The following CNBD1 variants were observed in gnomAD, a reference collection of about 807,000 sequenced individuals.
CNBD1 encodes the protein cyclic nucleotide-binding domain-containing protein 1.
Under a neutral mutation model 54.4 loss-of-function variants are expected in CNBD1, and 71 were observed. The ratio of observed to expected loss-of-function variants is 1.30; its 90% CI spans 1.08 to 1.59. The LOEUF is 1.59. Among genes scored for constraint, CNBD1 ranks in the 40% most tolerant of loss-of-function variants. CNBD1 has a pLI of 0.00. For missense variants in CNBD1, 659 were observed against 518.0 expected (o/e 1.27, Z -2.64); for synonymous variants, 182 against 170.7 (o/e 1.07, Z -0.51).
At position 87,166,712 on chromosome 8, in the gene CNBD1, C is replaced by A. The variant is rs1283928338; in HGVS notation, c.432-39281C>A. On this transcript the variant is annotated intron_variant, in intron 4 of 10. Coordinates refer to ENST00000518476, the MANE Select transcript of CNBD1 (RefSeq NM_173538.3). The surrounding 1 kb of genome is among the most constrained non-coding windows in gnomAD (Gnocchi z 4.3). ...CATGTTTGTTTCTATTTGGACAGTT[C>A]TTTCCTAACTAGGCTTGTTACAAAA... Among the ~76,000 whole-genome samples the A allele has an allele frequency of 6.6e-6, 1 of 151,792 alleles. No individual in the cohort carries two copies. Among genetic ancestry groups the A allele is most frequent in the African/African-American group, 2.4e-5 (1 of 41,374 alleles).
intron 4 of CNBD1, among the ~76,000 whole-genome samples, chr8:87,027,821 A>G (rs1737220729): frequency 6.6e-6 from 1 of 152,230 alleles, no homozygotes; most frequent in Admixed American, 6.5e-5. Context: ...CTAATTTCCC[A>G]TTACTGTATC....
In CNBD1 at chr8:87,224,719, G is replaced by A. The variant is rs996099502; in HGVS notation, c.578-12200G>A. ...TCTTTTGGCTCAGGATTGACTTGGC[G>A]ATGCGGGCTCTTTTTTGGTTCCATA... On this transcript the variant is annotated intron_variant, in intron 5 of 10. Coordinates refer to ENST00000518476, the MANE Select transcript of CNBD1 (RefSeq NM_173538.3). Among the ~76,000 whole-genome samples, 7 of 151,446 alleles carry A rather than the reference G, an allele frequency of 4.6e-5. No homozygotes were observed. In the East Asian group the frequency reaches 7.8e-4, roughly 17 times the overall value.
At chr8:87,056,635 A>G (rs1207985435) in intron 4 of CNBD1, among the ~76,000 whole-genome samples, 3 of 152,132 alleles carry the variant, frequency 2.0e-5, no homozygotes, top group Non-Finnish European at 2.9e-5. Flanking sequence ...CTTGACCAAA[A>G]AAGTCCCTCA....
At chr8:87,131,974 GAT>G (rs1451026936) in intron 4 of CNBD1, among the ~76,000 whole-genome samples, 2 of 151,868 alleles carry the variant, frequency 1.3e-5, no homozygotes, top group Non-Finnish European at 2.9e-5. Context: ...ATTCTTGTAG[GAT>G]ATTTTCACTG....
At chr8:87,306,107 A>G (rs908512012) in intron 8 of CNBD1, among the ~76,000 whole-genome samples, 3 of 152,166 alleles carry the variant, frequency 2.0e-5, no homozygotes, top group Admixed American at 6.6e-5. Context: ...TGAATAGACA[A>G]TTCCCAAAAG....
At chr8:87,027,968 A>G (rs552840787) in intron 4 of CNBD1, among the ~76,000 whole-genome samples, 2 of 152,184 alleles carry the variant, frequency 1.3e-5, no homozygotes, top group East Asian at 3.9e-4. Flanking sequence ...ATTCCTTACG[A>G]ATTTCTCAAT....
chr8:87,070,500 G>A (rs1382482889), intron 4 of CNBD1, among the ~76,000 whole-genome samples: 1 of 152,020 alleles, frequency 6.6e-6, no homozygotes, highest in Admixed American at 6.6e-5. Flanking sequence ...TGCTGAGAAT[G>A]GCACACTTTT....
At position 87,426,452 on chromosome 8, in the gene CNBD1, G is replaced by A. The variant is rs140420234; in HGVS notation, c.214-2094G>A. Among the ~76,000 whole-genome samples, 1,086 of 152,278 alleles carry A rather than the reference G, an allele frequency of 7.1e-3. 11 individuals are homozygous for A. Among genetic ancestry groups the A allele is most frequent in the African/African-American group, 0.025 (1,023 of 41,554 alleles). On this transcript the variant is annotated intron_variant, in intron 2 of 7. Coordinates refer to the CNBD1 transcript ENST00000521593. The stretch of plus-strand genomic sequence containing the variant: ...CTAACATTTATTATGACAAAATGAT[G>A]TTCCTACAGTTTCACAACCATAAAA...
intron 3 of CNBD1, among the ~76,000 whole-genome samples, chr8:86,908,095 A>C (rs973527445): frequency 6.6e-6 from 1 of 152,216 alleles, no homozygotes; most frequent in Non-Finnish European, 1.5e-5. Context: ...GAAGGAAGAC[A>C]GTCATGTTCA....
intron 8 of CNBD1, among the ~76,000 whole-genome samples, chr8:87,341,559 C>T (rs1810064080): frequency 6.6e-6 from 1 of 152,144 alleles, no homozygotes; most frequent in Non-Finnish European, 1.5e-5. Flanking sequence ...AATGTTATTG[C>T]TGTTGTAATA....
chr8:87,356,298 C>A (rs1242996438), intron 10 of CNBD1, among the ~76,000 whole-genome samples: 2 of 152,018 alleles, frequency 1.3e-5, no homozygotes, highest in Non-Finnish European at 2.9e-5. Context: ...AAGAAGACAG[C>A]AGATGAAGGA....
intron 1 of CNBD1, among the ~76,000 whole-genome samples, chr8:86,878,272 A>G (rs1455846823): frequency 2.0e-5 from 3 of 152,160 alleles, no homozygotes; most frequent in Non-Finnish European, 4.4e-5. Flanking sequence ...AGGTTCCAGG[A>G]TTATTAAATA....
chr8:87,144,066 C>T (rs373793286), intron 4 of CNBD1, among the ~76,000 whole-genome samples: 1 of 152,218 alleles, frequency 6.6e-6, no homozygotes. Context: ...GCAGTTTGTT[C>T]TGAAGGAAAG....
chr8:87,234,105 T>C (rs1311266573), intron 5 of CNBD1, among the ~76,000 whole-genome samples: 1 of 152,214 alleles, frequency 6.6e-6, no homozygotes, highest in African/African-American at 2.4e-5. Flanking sequence ...CAGTCACATC[T>C]GTAAGTAAGC....
chr8:87,096,332 C>T (rs182812043), intron 4 of CNBD1, among the ~76,000 whole-genome samples: 37 of 146,314 alleles, frequency 2.5e-4, no homozygotes, highest in Admixed American at 5.5e-4. Flanking sequence ...AGAAGAATAG[C>T]TCTCTGGTGT....
intron 4 of CNBD1, among the ~76,000 whole-genome samples, chr8:87,085,647 C>A (rs1586245907): frequency 6.6e-6 from 1 of 152,320 alleles, no homozygotes; most frequent in South Asian, 2.1e-4. Context: ...ATTCCTCTTA[C>A]AACCTCAGCT....
intron 4 of CNBD1, among the ~76,000 whole-genome samples, chr8:86,943,697 AT>A (rs1392781285): frequency 6.6e-6 from 1 of 152,012 alleles, no homozygotes; most frequent in East Asian, 1.9e-4. Context: ...CCTTTTTAAA[AT>A]TTTGTTTTTT....
At chr8:87,210,362 G>A (rs1289501280) in intron 5 of CNBD1, among the ~76,000 whole-genome samples, 1 of 152,158 alleles carries the variant, frequency 6.6e-6, no homozygotes, top group East Asian at 1.9e-4. Flanking sequence ...AGAAGGCTGT[G>A]GAGCAACCAC....
At chr8:87,038,927 C>T (rs1810005422) in intron 4 of CNBD1, among the ~76,000 whole-genome samples, 1 of 152,162 alleles carries the variant, frequency 6.6e-6, no homozygotes, top group African/African-American at 2.4e-5. Flanking sequence ...CCATTGCTGC[C>T]TCTGATTCTT....
Sources: gnomAD v4.1 joint callset for allele counts (sites outside exome capture counted in the v4.1 genomes callset) on GRCh38, gnomAD v4.1.1 for gene constraint, Gnocchi (gnomAD v3.1) non-coding constraint, MANE v1.5 for transcripts, NCBI Gene and HGNC (gene_info 2026-07-23, HGNC 2026-07-21) for gene names.